Variants in CFAP95 observed in about 807,000 individuals in gnomAD.
The protein encoded by CFAP95 is cilia- and flagella-associated protein 95.
chr9:69,834,648 A>C, the CFAP95 span, among the ~76,000 whole-genome samples: 6 of 152,156 alleles, frequency 3.9e-5, no homozygotes, highest in African/African-American at 1.4e-4. Flanking sequence ...ATTTTCTATG[A>C]AGAAAATTTA....
At chr9:69,821,164 A>G in the CFAP95 span, 1 of 1,006,254 alleles carries the variant, frequency 9.9e-7, no homozygotes, top group Non-Finnish European at 1.4e-6. Flanking sequence ...GGAAAAAAGA[A>G]TGAGAAAAGT....
chr9:69,840,949 C>G, the CFAP95 span, among the ~76,000 whole-genome samples: 1 of 151,510 alleles, frequency 6.6e-6, no homozygotes, highest in Non-Finnish European at 1.5e-5. Context: ...TGGCTGCTAT[C>G]TAAGGTTGCT....
At chr9:69,856,608 A>G in the CFAP95 span, 21 of 1,612,544 alleles carry the variant, frequency 1.3e-5, no homozygotes, top group East Asian at 2.2e-5. Context: ...TAAACACAGA[A>G]TGGGTTGAAA....
chr9:69,850,859 T>C, the CFAP95 span, among the ~76,000 whole-genome samples: 1 of 152,312 alleles, frequency 6.6e-6, no homozygotes, highest in East Asian at 1.9e-4. Flanking sequence ...GCTTTTCCAA[T>C]ATCACCACAA....
chr9:69,825,980 A>G, the CFAP95 span, among the ~76,000 whole-genome samples: 2 of 152,148 alleles, frequency 1.3e-5, no homozygotes, highest in Non-Finnish European at 2.9e-5. Flanking sequence ...CCCCAAATTA[A>G]AGAGCCTGGG....
the CFAP95 span, among the ~76,000 whole-genome samples, chr9:69,822,554 C>T: frequency 1.3e-5 from 2 of 152,222 alleles, no homozygotes; most frequent in Non-Finnish European, 2.9e-5. Flanking sequence ...TCTTCTGTGA[C>T]TCTGTTACCC....
chr9:69,889,152 A>T, the CFAP95 span, among the ~76,000 whole-genome samples: 1 of 152,210 alleles, frequency 6.6e-6, no homozygotes, highest in African/African-American at 2.4e-5. Flanking sequence ...AGGCCATAAC[A>T]GTTCTTTTTC....
the CFAP95 span, among the ~76,000 whole-genome samples, chr9:69,838,945 G>C: frequency 2.7e-4 from 12 of 43,974 alleles, no homozygotes; most frequent in South Asian, 8.9e-4. Flanking sequence ...AGCATGAAAG[G>C]GTTGTTGAAT....
At chr9:69,868,747 C>A in the CFAP95 span, among the ~76,000 whole-genome samples, 1 of 147,690 alleles carries the variant, frequency 6.8e-6, no homozygotes, top group South Asian at 2.1e-4. Flanking sequence ...TATTTGTAAG[C>A]ATATATCTGA....
the CFAP95 span, among the ~76,000 whole-genome samples, chr9:69,837,156 G>A: frequency 3.3e-5 from 5 of 152,078 alleles, no homozygotes; most frequent in African/African-American, 1.2e-4. Context: ...TTGGTTCCAA[G>A]TCTTTGCTAT....
chr9:69,858,989 A>C, the CFAP95 span, among the ~76,000 whole-genome samples: 4 of 152,230 alleles, frequency 2.6e-5, no homozygotes, highest in Non-Finnish European at 5.9e-5. Flanking sequence ...TGCATTGTGC[A>C]TTGTGGGGTT....
the CFAP95 span, among the ~76,000 whole-genome samples, chr9:69,900,474 T>C: frequency 1.3e-5 from 2 of 152,336 alleles, no homozygotes; most frequent in African/African-American, 2.4e-5. Context: ...ATTGCTCTTT[T>C]CTTTGCTGGC....
chr9:69,871,202 A>C, the CFAP95 span, among the ~76,000 whole-genome samples: 1 of 152,126 alleles, frequency 6.6e-6, no homozygotes, highest in Non-Finnish European at 1.5e-5. Context: ...TGGGGGACAG[A>C]GGGAGACTCT....
the CFAP95 span, chr9:69,821,061 G>C: frequency 6.2e-6 from 10 of 1,606,454 alleles, no homozygotes; most frequent in Non-Finnish European, 8.5e-6. Flanking sequence ...AAGTTCCCGG[G>C]TGCTGCGGGG....
At chr9:69,879,367 T>C in the CFAP95 span, among the ~76,000 whole-genome samples, 1 of 152,082 alleles carries the variant, frequency 6.6e-6, no homozygotes, top group African/African-American at 2.4e-5. Flanking sequence ...GAGAGCTTTA[T>C]TGGAGATATT....
chr9:69,858,995 G>C, the CFAP95 span, among the ~76,000 whole-genome samples: 2 of 152,142 alleles, frequency 1.3e-5, no homozygotes, highest in African/African-American at 4.8e-5. Context: ...GTGCATTGTG[G>C]GGTTGTTGTG....
the CFAP95 span, among the ~76,000 whole-genome samples, chr9:69,903,250 A>G: frequency 6.6e-6 from 1 of 152,368 alleles, no homozygotes; most frequent in South Asian, 2.1e-4. Flanking sequence ...CTTCTTTCAC[A>G]TAAACCATTG....
At chr9:69,903,980 T>C in the CFAP95 span, among the ~76,000 whole-genome samples, 1 of 152,210 alleles carries the variant, frequency 6.6e-6, no homozygotes, top group African/African-American at 2.4e-5. Flanking sequence ...CACCTTGGCC[T>C]TCCAAAGTGT....
the CFAP95 span, among the ~76,000 whole-genome samples, chr9:69,821,583 G>A: frequency 6.6e-6 from 1 of 152,142 alleles, no homozygotes; most frequent in Non-Finnish European, 1.5e-5. Flanking sequence ...AGCCTCCAGG[G>A]CTGCCACTTC....
Sources: allele counts gnomAD v4.1 joint callset (sites outside exome capture counted in the v4.1 genomes callset), GRCh38; gene constraint gnomAD v4.1.1; transcripts MANE v1.5; gene names NCBI Gene and HGNC (gene_info 2026-07-23, HGNC 2026-07-21).